DNAAF19: variants seen among roughly 807,000 people sequenced by gnomAD.
DNAAF19 encodes dynein axonemal assembly factor 19.
chr17:44,904,704 C>T, the DNAAF19 span: 6 of 1,550,566 alleles, frequency 3.9e-6, no homozygotes, highest in Non-Finnish European at 5.2e-6. Context: ...TGTCCTGGGG[C>T]CCGGCCAGAG....
the DNAAF19 span, chr17:44,905,027 T>TG: frequency 6.5e-7 from 1 of 1,549,690 alleles, no homozygotes. Flanking sequence ...CTTCTGTCGT[T>TG]GCTGCTGCTA....
chr17:44,904,787 A>T, the DNAAF19 span: 4 of 1,550,638 alleles, frequency 2.6e-6, no homozygotes, highest in South Asian at 3.6e-5. Flanking sequence ...CAACAGGTCC[A>T]TGAGGGTGTT....
chr17:44,901,198 A>C, the DNAAF19 span: 1 of 1,570,824 alleles, frequency 6.4e-7, no homozygotes, highest in South Asian at 1.2e-5. Context: ...ATAGTAGTTA[A>C]CTCTGAAATC....
At chr17:44,902,416 C>T in the DNAAF19 span, 11 of 1,614,098 alleles carry the variant, frequency 6.8e-6, no homozygotes, top group African/African-American at 5.3e-5. Flanking sequence ...TCGTGATTGG[C>T]GACGACACTT....
the DNAAF19 span, chr17:44,901,081 G>C: frequency 3.1e-6 from 5 of 1,604,480 alleles, no homozygotes; most frequent in Non-Finnish European, 4.2e-6. Flanking sequence ...AAGTACAAAC[G>C]GGAGAATGCT....
chr17:44,904,576 C>G, the DNAAF19 span: 1 of 1,550,580 alleles, frequency 6.4e-7, no homozygotes, highest in East Asian at 2.4e-5. Flanking sequence ...CAAAGACCAT[C>G]CGGGAGGGCG....
chr17:44,901,880 G>A, the DNAAF19 span, among the ~76,000 whole-genome samples: 20 of 152,068 alleles, frequency 1.3e-4, no homozygotes, highest in Admixed American at 1.3e-4. Flanking sequence ...CAGAAAGTTG[G>A]GCTAGGAAGG....
At chr17:44,904,000 C>T in the DNAAF19 span, 88 of 1,550,632 alleles carry the variant, frequency 5.7e-5, no homozygotes, top group African/African-American at 7.8e-4. Context: ...ACTGCAAACC[C>T]GAAGAGGTGC....
the DNAAF19 span, chr17:44,904,282 G>C: frequency 6.5e-7 from 1 of 1,549,930 alleles, no homozygotes. Context: ...CCACTTTCCA[G>C]GACAAGGGCC....
chr17:44,902,417 G>A, the DNAAF19 span: 67 of 1,614,096 alleles, frequency 4.2e-5, no homozygotes, highest in East Asian at 1.4e-3. Context: ...CGTGATTGGC[G>A]ACGACACTTG....
At chr17:44,904,341 C>A in the DNAAF19 span, 1 of 1,542,096 alleles carries the variant, frequency 6.5e-7, no homozygotes, top group South Asian at 1.2e-5. Context: ...GTCTTCACCA[C>A]CTTCTGGGAA....
the DNAAF19 span, chr17:44,902,342 C>G: frequency 6.2e-7 from 1 of 1,614,108 alleles, no homozygotes; most frequent in Non-Finnish European, 8.5e-7. Context: ...CTCCTGACTC[C>G]CTTTCCTTCC....
At chr17:44,904,725 C>A in the DNAAF19 span, 1 of 1,550,568 alleles carries the variant, frequency 6.4e-7, no homozygotes, top group Admixed American at 2.0e-5. Flanking sequence ...CATGCAGTGG[C>A]CTGGGACAAA....
the DNAAF19 span, chr17:44,905,103 C>T: frequency 1.4e-6 from 2 of 1,468,554 alleles, no homozygotes; most frequent in East Asian, 2.5e-5. Context: ...ACCAGTTGTC[C>T]TTCAATGTGT....
the DNAAF19 span, chr17:44,904,657 C>A: frequency 1.7e-5 from 26 of 1,550,442 alleles, no homozygotes; most frequent in Non-Finnish European, 2.2e-5. Flanking sequence ...CCATTCAGTT[C>A]CACCAGCAGA....
At chr17:44,902,651 G>A in the DNAAF19 span, 4 of 1,614,126 alleles carry the variant, frequency 2.5e-6, no homozygotes, top group Non-Finnish European at 3.4e-6. Context: ...CGGGCAGAGA[G>A]AGAGAGCTGC....
At chr17:44,903,919 C>G in the DNAAF19 span, 1 of 1,550,622 alleles carries the variant, frequency 6.4e-7, no homozygotes, top group Admixed American at 2.0e-5. Flanking sequence ...TTCAGAGGAC[C>G]CCCTGCCCTG....
the DNAAF19 span, chr17:44,902,985 C>T: frequency 1.0e-5 from 15 of 1,430,610 alleles, no homozygotes; most frequent in Non-Finnish European, 1.4e-5. Flanking sequence ...TCTCCAGTCC[C>T]TCAGTGTCTC....
At chr17:44,904,593 C>T in the DNAAF19 span, 2 of 1,550,564 alleles carry the variant, frequency 1.3e-6, no homozygotes, top group Middle Eastern at 1.7e-4. Context: ...GGCGTGCTGG[C>T]CATCATTAAC....
Sources: allele counts gnomAD v4.1 joint callset (sites outside exome capture counted in the v4.1 genomes callset), GRCh38; gene constraint gnomAD v4.1.1; transcripts MANE v1.5; gene names NCBI Gene and HGNC (gene_info 2026-07-23, HGNC 2026-07-21).